Variants in FRAS1 observed in about 807,000 individuals in gnomAD.
FRAS1 encodes extracellular matrix organizing protein FRAS1.
Under a neutral mutation model 435.2 loss-of-function variants are expected in FRAS1, and 290 were observed. That is an observed-to-expected ratio of 0.67 (90% confidence interval 0.61 to 0.73). The LOEUF is 0.73. Ranked by LOEUF, FRAS1 falls within the 30% of genes least tolerant of loss-of-function variation. The pLI is 0.00. For synonymous variants in FRAS1, 1,800 were observed against 1,851.0 expected, an observed-to-expected ratio of 0.97 and a Z score of 0.71; for missense variants, 4,860 against 5,001.5, an observed-to-expected ratio of 0.97 and a Z score of 0.85.
At chr4:78,114,377 G>T (rs951058007) in intron 2 of FRAS1, among the ~76,000 whole-genome samples, 1 of 152,204 alleles carries the variant, frequency 6.6e-6, no homozygotes, top group Non-Finnish European at 1.5e-5. Flanking sequence ...AAAGTCATTG[G>T]TAGGTTGATG....
chr4:78,439,906 C>A (rs986288334), intron 40 of FRAS1, among the ~76,000 whole-genome samples: 1 of 151,916 alleles, frequency 6.6e-6, no homozygotes, highest in Non-Finnish European at 1.5e-5. Flanking sequence ...AGGGATTCCA[C>A]AGAAGTTAAT....
At chr4:78,183,258 C>T (rs190679513) in intron 2 of FRAS1, among the ~76,000 whole-genome samples, 1 of 152,298 alleles carries the variant, frequency 6.6e-6, no homozygotes, top group Non-Finnish European at 1.5e-5. Context: ...GACATGGAAA[C>T]AAACATCCTA....
chr4:78,064,374 AAAT>A (rs1166242310), intron 1 of FRAS1, among the ~76,000 whole-genome samples: 1 of 151,754 alleles, frequency 6.6e-6, no homozygotes, highest in East Asian at 1.9e-4. Flanking sequence ...TTTTAAAGTA[AAAT>A]AATAAGTTTG....
At chr4:78,481,563 C>T (rs1720012198) in intron 56 of FRAS1, among the ~76,000 whole-genome samples, 1 of 152,208 alleles carries the variant, frequency 6.6e-6, no homozygotes, top group South Asian at 2.1e-4. Context: ...CTCTCCAGCA[C>T]CATCTCCATG....
intron 40 of FRAS1, among the ~76,000 whole-genome samples, chr4:78,439,520 A>T (rs1185791960): frequency 6.6e-6 from 1 of 152,204 alleles, no homozygotes; most frequent in Non-Finnish European, 1.5e-5. Context: ...CCCAGACATC[A>T]GTTCAAGTGC....
At chr4:78,408,612 C>T (rs1733194893) in intron 31 of FRAS1, among the ~76,000 whole-genome samples, 1 of 152,202 alleles carries the variant, frequency 6.6e-6, no homozygotes, top group African/African-American at 2.4e-5. Context: ...ACTAGCTACA[C>T]AACTTTGGGC....
At chr4:78,248,065 T>C (rs1037761236) in intron 4 of FRAS1, among the ~76,000 whole-genome samples, 1 of 152,110 alleles carries the variant, frequency 6.6e-6, no homozygotes. Flanking sequence ...CTTGCAGAGG[T>C]GGCAGCGTCT....
At position 78,513,490 on chromosome 4, in the gene FRAS1, T is replaced by G. The variant is rs1721104932; in HGVS notation, c.10112T>G (p.Ile3371Ser). 1.2e-6 allele frequency: 2 copies of G among 1,613,432 alleles called. No homozygotes were observed. Among genetic ancestry groups the G allele is most frequent in the African/African-American group, 2.7e-5 (2 of 74,888 alleles). Reference sequence around the variant, plus strand: ...TTACATTTTCTACTGTCTGAGTCCATCTACAGACACCAGCACGTCTGCTCC... The same window carrying G: ...TTACATTTTCTACTGTCTGAGTCCAGCTACAGACACCAGCACGTCTGCTCC... ...HNLHFLLSESIYRHQHVCSNL... is the reference protein window; with the variant it reads ...HNLHFLLSESSYRHQHVCSNL... The change falls in exon 65 of 74, where the codon ATC (isoleucine) becomes AGC (serine). Residue 3371 changes from isoleucine (I) to serine (S), a missense_variant. By Grantham distance (142) the Ile-to-Ser change is moderately radical. Transcript: ENST00000512123.
At chr4:78,162,461 G>A (rs1212894712) in intron 2 of FRAS1, among the ~76,000 whole-genome samples, 1 of 152,158 alleles carries the variant, frequency 6.6e-6, no homozygotes, top group African/African-American at 2.4e-5. Context: ...CCACATTGCT[G>A]AGCAACCACT....
At chr4:78,173,865 G>C (rs1464723140) in intron 2 of FRAS1, among the ~76,000 whole-genome samples, 1 of 152,188 alleles carries the variant, frequency 6.6e-6, no homozygotes, top group East Asian at 1.9e-4. Flanking sequence ...AAATGACAAG[G>C]CTGGTTGAAG....
In FRAS1 at chr4:78,499,768, G is replaced by C; in HGVS notation, c.9163G>C (p.Ala3055Pro). 1 of 1,613,880 alleles carries C rather than the reference G, an allele frequency of 6.2e-7. No individual in the cohort carries two copies. Among genetic ancestry groups the C allele is most frequent in the Non-Finnish European group, 8.5e-7 (1 of 1,179,812 alleles). Residue 3055 changes from alanine to proline, a missense_variant, in exon 61 of 74, where the codon GCA (alanine) becomes CCA (proline). Ala to Pro is a conservative substitution (Grantham distance 27). Transcript: ENST00000512123. The stretch of plus-strand genomic sequence containing the variant: ...AGCTGCATACCAAGTCCGGGAACCC[G>C]CAGGCCCAGATGCCATTGCGATTCT... ...EEAAYQVREP[A>P]GPDAIAILNI...
rs1334401534 is a variant in FRAS1, at chr4:78,343,595, T to C, written c.2422+5778T>C. Among the ~76,000 whole-genome samples the C allele has an allele frequency of 2.0e-5, 3 of 152,156 alleles. No individual in the cohort carries two copies. In the East Asian group the frequency reaches 5.8e-4, roughly 29 times the overall value. ...CATAAATAAACACTTTTGAGTCCTT[T>C]CCATGATTTTTCCCATTTATTGTCA... On this transcript the variant is annotated intron_variant, in intron 20 of 73. Coordinates refer to ENST00000512123, the MANE Select transcript of FRAS1 (RefSeq NM_025074.7).
At chr4:78,478,679 C>T (rs899560528) in intron 55 of FRAS1, among the ~76,000 whole-genome samples, 1 of 152,138 alleles carries the variant, frequency 6.6e-6, no homozygotes, top group African/African-American at 2.4e-5. Context: ...GGAAATTGAA[C>T]CCCCATTCAA....
chr4:78,057,544 GCA>G lies in FRAS1; in HGVS notation c.-465_-464del. On this transcript the variant is annotated 5_prime_UTR_variant, in exon 1 of 74. It introduces an in-frame stop codon into an upstream open reading frame of the 5' UTR. Coordinates refer to ENST00000512123, the MANE Select transcript of FRAS1 (RefSeq NM_025074.7). The surrounding 1 kb of genome is among the most constrained non-coding windows in gnomAD (Gnocchi z 4.2). Reference sequence around the variant, plus strand: ...GCTCCCGGCGACCCGCGGTGCCGACGCAACGCCGACGTATGGTGCCAAGCGAA... The same window carrying G: ...GCTCCCGGCGACCCGCGGTGCCGACGACGCCGACGTATGGTGCCAAGCGAA... The G allele has an allele frequency of 6.4e-6, 1 of 157,074 alleles. No homozygotes were observed. Among genetic ancestry groups the G allele is most frequent in the Non-Finnish European group, 1.4e-5 (1 of 71,322 alleles). 9.7% of individuals were successfully genotyped at this position (157,074 alleles called of 1,614,324 possible).
At chr4:78,533,851 CA>C (rs1177220133) in intron 70 of FRAS1, among the ~76,000 whole-genome samples, 1 of 152,130 alleles carries the variant, frequency 6.6e-6, no homozygotes, top group Admixed American at 6.5e-5. Context: ...TTTGAGATAG[CA>C]AATGCACTCA....
At chr4:78,301,639 G>T (rs1728401549) in intron 14 of FRAS1, among the ~76,000 whole-genome samples, 1 of 152,164 alleles carries the variant, frequency 6.6e-6, no homozygotes, top group Non-Finnish European at 1.5e-5. Context: ...GCTGCAGGTG[G>T]GAGGTGGTGA....
At chr4:78,427,281 TCA>T (rs1734035619) in intron 35 of FRAS1, among the ~76,000 whole-genome samples, 1 of 152,214 alleles carries the variant, frequency 6.6e-6, no homozygotes, top group Admixed American at 6.5e-5. Context: ...TCATGACTCT[TCA>T]CAGAGTCCCC....
intron 6 of FRAS1, among the ~76,000 whole-genome samples, chr4:78,259,420 C>T (rs1725966693): frequency 6.8e-6 from 1 of 148,038 alleles, no homozygotes; most frequent in African/African-American, 2.5e-5. Flanking sequence ...GAGATGGTAT[C>T]TCATTGTGGT....
intron 2 of FRAS1, among the ~76,000 whole-genome samples, chr4:78,187,450 C>T (rs140225958): frequency 1.1e-4 from 16 of 152,252 alleles, no homozygotes; most frequent in Middle Eastern, 3.4e-3. Context: ...TAGTTGGCAG[C>T]CTCAGGCCTC....
Sources: allele counts gnomAD v4.1 joint callset (sites outside exome capture counted in the v4.1 genomes callset), GRCh38; gene constraint gnomAD v4.1.1; non-coding constraint Gnocchi (gnomAD v3.1); transcripts MANE v1.5; gene names NCBI Gene and HGNC (gene_info 2026-07-23, HGNC 2026-07-21).